The following NBEA variants were observed in gnomAD, a reference collection of about 807,000 sequenced individuals.
NBEA encodes lysosomal-trafficking regulator 2.
NBEA carries 44 observed loss-of-function variants against 343.4 expected under a neutral mutation model. That is an observed-to-expected ratio of 0.13 (90% CI 0.10 to 0.16). The LOEUF is 0.16. NBEA is among the 10% of genes least tolerant of loss of function. The pLI is 1.00. For synonymous variants in NBEA, 1,175 were observed against 1,238.7 expected, an observed-to-expected ratio of 0.95 and a Z score of 1.08; for missense variants, 2,555 against 3,631.3, an observed-to-expected ratio of 0.70 and a Z score of 7.62.
chr13:35,238,462 A>T lies in NBEA; in HGVS notation c.5776+5843A>T, dbSNP rs141680677. The stretch of plus-strand genomic sequence containing the variant: ...CCTCCCAGACCAACTTCTCTTGCTT[A>T]GTCATCAGAACATCTCTTAGCATAG... On this transcript the variant is annotated intron_variant, in intron 34 of 58. Coordinates refer to ENST00000379939, the MANE Select transcript of NBEA (RefSeq NM_001385012.1). 3.9e-5 allele frequency among the ~76,000 whole-genome samples: 6 copies of T among 152,338 alleles called. No homozygotes were observed. The East Asian group carries it at 9.6e-4, about 24-fold the overall frequency.
At chr13:35,044,876 C>T in intron 2 of NBEA, 71 bp from the exon 3 acceptor site, 2 of 1,160,674 alleles carry the variant, frequency 1.7e-6, no homozygotes, top group Admixed American at 2.3e-5. Flanking sequence ...TTTTTTCTTT[C>T]AAAAAGTATA....
chr13:35,117,842 G>C (rs1336353100), intron 14 of NBEA, among the ~76,000 whole-genome samples: 1 of 151,916 alleles, frequency 6.6e-6, no homozygotes, highest in Non-Finnish European at 1.5e-5. Context: ...TAAATGTTAA[G>C]ATGAAACCAA....
intron 58 of NBEA, 80 bp downstream of exon 58, chr13:35,668,599 C>G: frequency 7.5e-7 from 1 of 1,333,506 alleles, no homozygotes; most frequent in Non-Finnish European, 9.9e-7. Flanking sequence ...GTGAATTGTG[C>G]TGTGAGTGCA....
chr13:35,284,892 T>C (rs924049276), intron 34 of NBEA, among the ~76,000 whole-genome samples: 7 of 152,162 alleles, frequency 4.6e-5, no homozygotes, highest in African/African-American at 1.7e-4. Context: ...CAGATAGAGG[T>C]GTATAAGTAT....
intron 39 of NBEA, among the ~76,000 whole-genome samples, chr13:35,436,838 G>T (rs577749727): frequency 3.9e-4 from 59 of 152,040 alleles, no homozygotes; most frequent in African/African-American, 1.2e-3. Context: ...AGGTACAAAA[G>T]AACATTTTAT....
intron 34 of NBEA, among the ~76,000 whole-genome samples, chr13:35,284,758 T>C (rs1280102182): frequency 1.3e-5 from 2 of 152,154 alleles, no homozygotes; most frequent in Admixed American, 1.3e-4. Flanking sequence ...GTGACTTACA[T>C]GGTAACATTG....
intron 34 of NBEA, among the ~76,000 whole-genome samples, chr13:35,244,120 A>C (rs1414450642): frequency 6.6e-6 from 1 of 151,960 alleles, no homozygotes; most frequent in Non-Finnish European, 1.5e-5. Context: ...AACTAGAAAT[A>C]AAAACTAGAA....
chr13:35,606,537 T>C lies in NBEA; in HGVS notation c.7408T>C (p.Trp2470Arg). The part of the protein sequence containing the change: ...VVVNDVDLPP[W>R]AKKPEDFVRI... The stretch of plus-strand genomic sequence containing the variant: ...GGTAAATGATGTTGATCTTCCCCCT[T>C]GGGCAAAAAAACCTGAAGACTTTGT... The change falls in exon 48 of 59, where the codon TGG becomes CGG. Residue 2470 changes from tryptophan to arginine, a missense_variant. Transcript: ENST00000379939. The C allele has an allele frequency of 6.2e-7, 1 of 1,607,342 alleles. No individual in the cohort carries two copies. The highest frequency in any genetic ancestry group is 2.2e-5 in the East Asian group (1 of 44,684).
At chr13:35,311,988 G>T (rs1254775691) in intron 36 of NBEA, among the ~76,000 whole-genome samples, 1 of 152,170 alleles carries the variant, frequency 6.6e-6, no homozygotes, top group Non-Finnish European at 1.5e-5. Context: ...TTGGAATAAG[G>T]ATTCAAACAT....
At chr13:35,268,254 A>G (rs1178158809) in intron 34 of NBEA, among the ~76,000 whole-genome samples, 1 of 152,092 alleles carries the variant, frequency 6.6e-6, no homozygotes, top group African/African-American at 2.4e-5. Context: ...CTGTCACAGA[A>G]AGGCAAATGA....
intron 38 of NBEA, among the ~76,000 whole-genome samples, chr13:35,404,641 A>AT (rs1406451169): frequency 6.8e-6 from 1 of 147,154 alleles, no homozygotes; most frequent in East Asian, 2.1e-4. Context: ...TTTAGGAGAT[A>AT]TACCTAATGC....
intron 41 of NBEA, among the ~76,000 whole-genome samples, chr13:35,484,305 C>T (rs972217778): frequency 1.3e-5 from 2 of 148,558 alleles, no homozygotes; most frequent in Admixed American, 1.4e-4. Context: ...TAGACCCTCA[C>T]TAATTTAAAA....
chr13:35,584,115 C>A lies in NBEA; in HGVS notation c.7176+77C>A. ...TAAGTAAATTAAATAAAAATCAAATCAGTTGTAATTTGATTAACAAAGATT... is the reference window on the plus strand; with the variant it reads ...TAAGTAAATTAAATAAAAATCAAATAAGTTGTAATTTGATTAACAAAGATT... On this transcript the variant is annotated intron_variant, in intron 46 of 58. Transcript: ENST00000379939. 8 of 1,318,004 alleles carry A rather than the reference C, an allele frequency of 6.1e-6. No homozygotes were observed. The South Asian group carries it at 8.7e-5, about 14-fold the overall frequency. The allele number at this position is 1,318,004 out of a possible 1,614,324, so 81.6% of individuals were successfully genotyped here.
intron 36 of NBEA, among the ~76,000 whole-genome samples, chr13:35,347,740 A>G (rs1338006972): frequency 6.6e-6 from 1 of 151,724 alleles, no homozygotes; most frequent in Non-Finnish European, 1.5e-5. Context: ...TTAAACCAGT[A>G]ATCAGTTTTT....
intron 49 of NBEA, among the ~76,000 whole-genome samples, chr13:35,635,921 A>G (rs1159879717): frequency 6.6e-6 from 1 of 152,216 alleles, no homozygotes; most frequent in Non-Finnish European, 1.5e-5. Context: ...TATGTCATTT[A>G]TGTGACTTGT....
chr13:35,633,729 C>CT (rs1361156613), intron 49 of NBEA, among the ~76,000 whole-genome samples: 1 of 151,994 alleles, frequency 6.6e-6, no homozygotes, highest in African/African-American at 2.4e-5. Context: ...CTATAAAGCA[C>CT]TACACAGGCA....
chr13:35,629,848 A>G (rs1421730152), intron 49 of NBEA, among the ~76,000 whole-genome samples: 3 of 152,106 alleles, frequency 2.0e-5, no homozygotes. Flanking sequence ...ACCTTTTAGA[A>G]TCAGAAAAAA....
chr13:35,376,896 T>TGAAC (rs935938058), intron 38 of NBEA, among the ~76,000 whole-genome samples: 1 of 152,170 alleles, frequency 6.6e-6, no homozygotes, highest in Admixed American at 6.6e-5. Flanking sequence ...AGCAGACTGG[T>TGAAC]GAACTTACCT....
Position 35,335,797 on chromosome 13 carries a change from C to G in NBEA, c.5904-13311C>G, listed in dbSNP as rs573839092. 2.6e-5 allele frequency among the ~76,000 whole-genome samples: 4 copies of G among 152,088 alleles called. No individual in the cohort carries two copies. The South Asian group carries it at 8.3e-4, about 32-fold the overall frequency. On this transcript the variant is annotated intron_variant, in intron 36 of 58. Coordinates refer to ENST00000379939, the MANE Select transcript of NBEA (RefSeq NM_001385012.1). ...TTAACCAAAAGTTTGGGAGGAACAG[C>G]TTGGAAATAGGTACATAAGGGCTTT...
Sources: allele counts gnomAD v4.1 joint callset (sites outside exome capture counted in the v4.1 genomes callset), GRCh38; gene constraint gnomAD v4.1.1; transcripts MANE v1.5; gene names NCBI Gene and HGNC (gene_info 2026-07-23, HGNC 2026-07-21).